The following ZBTB20 variants were observed in gnomAD, a reference collection of about 807,000 sequenced individuals.
ZBTB20 encodes the protein zinc finger and BTB domain containing 20.
A neutral mutation model predicts 56.9 loss-of-function variants in ZBTB20; 9 were observed. That is an observed-to-expected ratio of 0.16 (90% confidence interval 0.10 to 0.28). The LOEUF (loss-of-function observed/expected upper bound fraction) is 0.28. Ranked by LOEUF, ZBTB20 falls within the 10% of genes least tolerant of loss-of-function variation. The pLI is 1.00. For synonymous variants in ZBTB20, 417 were observed against 420.7 expected (o/e 0.99, Z 0.11); for missense variants, 655 against 1,003.0 (o/e 0.65, Z 4.69).
At chr3:114,663,218 A>G (rs1411834189) in intron 6 of ZBTB20, among the ~76,000 whole-genome samples, 1 of 146,038 alleles carries the variant, frequency 6.8e-6, no homozygotes, top group African/African-American at 2.5e-5. Flanking sequence ...GCCAGAAGAG[A>G]GTGGGGGCCA....
chr3:114,410,537 T>G (rs2087836305), intron 7 of ZBTB20, among the ~76,000 whole-genome samples: 1 of 152,084 alleles, frequency 6.6e-6, no homozygotes, highest in African/African-American at 2.4e-5. Flanking sequence ...AAACAGGAAG[T>G]AACAGGGCCA....
chr3:114,725,461 C>T (rs949812803), intron 5 of ZBTB20, among the ~76,000 whole-genome samples: 1 of 152,116 alleles, frequency 6.6e-6, no homozygotes, highest in African/African-American at 2.4e-5. Context: ...CTATTTCCTC[C>T]TCTAAATGCA....
intron 6 of ZBTB20, among the ~76,000 whole-genome samples, chr3:114,580,262 A>C (rs1559989002): frequency 1.3e-5 from 2 of 151,648 alleles, no homozygotes; most frequent in Non-Finnish European, 3.0e-5. Flanking sequence ...ATTTTATCAT[A>C]TTATTGATGC....
Position 114,860,176 on chromosome 3 carries a change from G to A in ZBTB20, c.-417+40128C>T, listed in dbSNP as rs551402985. Among the ~76,000 whole-genome samples the A allele has an allele frequency of 6.0e-4, 91 of 152,106 alleles. 1 individual carries two copies. Among genetic ancestry groups the A allele is most frequent in the African/African-American group, 2.0e-3 (83 of 41,502 alleles). On this transcript the variant is annotated intron_variant, in intron 4 of 11. Coordinates refer to ENST00000675478, the MANE Select transcript of ZBTB20 (RefSeq NM_001348800.3). ...CAAAAAATTAGCCGGGCTTGTTGGC[G>A]TGTGACTGTAGTCCCAGCTACTCGG...
chr3:114,813,274 G>A (rs1239975674), intron 4 of ZBTB20, among the ~76,000 whole-genome samples: 2 of 152,098 alleles, frequency 1.3e-5, no homozygotes, highest in African/African-American at 2.4e-5. Flanking sequence ...TTGAAGTCTC[G>A]AACACCTATT....
At chr3:114,726,710 T>TGA (rs1560175203) in intron 5 of ZBTB20, among the ~76,000 whole-genome samples, 9 of 151,752 alleles carry the variant, frequency 5.9e-5, no homozygotes, top group Admixed American at 5.3e-4. Context: ...CAGGAAATCA[T>TGA]GATCATCCTG....
intron 6 of ZBTB20, among the ~76,000 whole-genome samples, chr3:114,574,278 T>C (rs1439631170): frequency 2.0e-5 from 3 of 152,204 alleles, no homozygotes; most frequent in Non-Finnish European, 4.4e-5. Context: ...TCTGAGATTC[T>C]ATTTCCTCTA....
intron 6 of ZBTB20, among the ~76,000 whole-genome samples, chr3:114,539,264 T>A (rs1054386647): frequency 2.0e-5 from 3 of 152,152 alleles, no homozygotes; most frequent in Admixed American, 1.3e-4. Flanking sequence ...GCATCATTCA[T>A]ACATTTTAAG....
intron 3 of ZBTB20, among the ~76,000 whole-genome samples, chr3:114,908,932 T>C (rs1382308389): frequency 1.3e-5 from 2 of 151,620 alleles, no homozygotes; most frequent in East Asian, 3.9e-4. Flanking sequence ...GATTAGGAGA[T>C]ATAAATGACA....
intron 4 of ZBTB20, among the ~76,000 whole-genome samples, chr3:114,821,347 T>A (rs2073234031): frequency 1.3e-5 from 2 of 152,072 alleles, no homozygotes; most frequent in Admixed American, 1.3e-4. Context: ...TATGACACAG[T>A]CCTCAACATC....
intron 2 of ZBTB20, among the ~76,000 whole-genome samples, chr3:115,025,039 A>C (rs2080362761): frequency 6.6e-6 from 1 of 151,276 alleles, no homozygotes; most frequent in South Asian, 2.1e-4. Flanking sequence ...TTATTTCATC[A>C]ACCAGGTATT....
rs180758631 is a variant in ZBTB20, at chr3:114,520,382, T to C, written c.-294-19991A>G. 4.6e-5 allele frequency among the ~76,000 whole-genome samples: 7 copies of C among 152,304 alleles called. No individual in the cohort carries two copies. In the East Asian group the frequency reaches 1.3e-3, roughly 29 times the overall value. On this transcript the variant is annotated intron_variant, in intron 6 of 11. Transcript: ENST00000675478. ...AGTAATGAGTCAACTGACTACGTGA[T>C]CTCATGTACATAATTTTGTTCGGCA...
intron 5 of ZBTB20, among the ~76,000 whole-genome samples, chr3:114,760,761 T>A (rs1164053516): frequency 6.6e-6 from 1 of 152,194 alleles, no homozygotes; most frequent in East Asian, 1.9e-4. Context: ...ACATGAAACA[T>A]GCTTGACACA....
intron 1 of ZBTB20, among the ~76,000 whole-genome samples, chr3:115,139,933 G>A (rs2084763939): frequency 6.6e-6 from 1 of 152,068 alleles, no homozygotes; most frequent in South Asian, 2.1e-4. Context: ...CTTTACTAGT[G>A]TGCTATGTTA....
intron 5 of ZBTB20, among the ~76,000 whole-genome samples, chr3:114,766,962 C>T (rs1467576986): frequency 6.6e-6 from 1 of 151,930 alleles, no homozygotes; most frequent in Non-Finnish European, 1.5e-5. Context: ...AGAGCTATTC[C>T]CTCTTTATGG....
At chr3:114,835,241 A>C (rs749351534) in intron 4 of ZBTB20, among the ~76,000 whole-genome samples, 30 of 152,174 alleles carry the variant, frequency 2.0e-4, no homozygotes, top group Non-Finnish European at 4.4e-5. Context: ...CCCTCAAAAT[A>C]AGGCTTATAG....
chr3:114,363,131 T>C (rs750302149), intron 10 of ZBTB20, among the ~76,000 whole-genome samples: 7 of 152,170 alleles, frequency 4.6e-5, no homozygotes, highest in African/African-American at 7.2e-5. Context: ...ATTAGTACAG[T>C]TTAAAAACCT....
At chr3:114,447,735 A>G (rs1165712457) in intron 7 of ZBTB20, among the ~76,000 whole-genome samples, 1 of 152,138 alleles carries the variant, frequency 6.6e-6, no homozygotes, top group African/African-American at 2.4e-5. Context: ...CCATCTACTG[A>G]ATCAGTTAGA....
At chr3:114,909,801 A>G (rs187103637) in intron 3 of ZBTB20, among the ~76,000 whole-genome samples, 1 of 152,058 alleles carries the variant, frequency 6.6e-6, no homozygotes, top group African/African-American at 2.4e-5. Context: ...CAATGCAGCT[A>G]AACAGTCTTA....
Sources: allele counts gnomAD v4.1 joint callset (sites outside exome capture counted in the v4.1 genomes callset), GRCh38; gene constraint gnomAD v4.1.1; transcripts MANE v1.5; gene names NCBI Gene and HGNC (gene_info 2026-07-23, HGNC 2026-07-21).